The following TMPRSS15 variants were observed in gnomAD, a reference collection of about 807,000 sequenced individuals.
TMPRSS15 encodes transmembrane serine protease 15.
TMPRSS15 carries 128 observed loss-of-function variants against 125.3 expected under a neutral mutation model. The observed-to-expected ratio is 1.02, with a 90% confidence interval of 0.89 to 1.18. The LOEUF is 1.18. TMPRSS15 is among the 50% of genes most tolerant of loss of function. The pLI is 0.00. For missense variants in TMPRSS15, 1,283 were observed against 1,212.7 expected, an observed-to-expected ratio of 1.06 and a Z score of -0.86; for synonymous variants, 446 against 423.2, an observed-to-expected ratio of 1.05 and a Z score of -0.66.
intron 10 of TMPRSS15, among the ~76,000 whole-genome samples, chr21:18,344,594 A>G (rs2154691): frequency 0.085 from 12,935 of 152,270 alleles, 766 homozygotes; most frequent in South Asian, 0.2. Flanking sequence ...CCTATGAACG[A>G]TAAGTAATCA....
intron 18 of TMPRSS15, among the ~76,000 whole-genome samples, chr21:18,302,691 C>G (rs2146915687): frequency 6.6e-6 from 1 of 152,270 alleles, no homozygotes; most frequent in South Asian, 2.1e-4. Context: ...ATGGGTTAGT[C>G]TGGTAGCTAT....
In TMPRSS15 at chr21:18,332,130, T is replaced by C. The variant is rs147743156; in HGVS notation, c.1608A>G (p.Thr536=). 1.8e-3 allele frequency: 2,910 copies of C among 1,614,102 alleles called. 2 individuals carry two copies. Among genetic ancestry groups the C allele is most frequent in the Non-Finnish European group, 2.3e-3 (2,673 of 1,179,952 alleles). The change falls in exon 14 of 25, where the codon ACA becomes ACG. Residue 536 remains threonine, a synonymous_variant. Transcript: ENST00000284885. ...TGTTTGGAAAGTTCGTAGAACTGAATGTTGTATTTGGCTCCCACAGCTCAA... is the reference window on the plus strand; with the variant it reads ...TGTTTGGAAAGTTCGTAGAACTGAACGTTGTATTTGGCTCCCACAGCTCAA... The part of the protein sequence containing the change: ...GPFELWEPNT[T]FSSTNFPNSY...
chr21:18,398,416 A>G, intron 1 of TMPRSS15, 87 bp from the exon 2 acceptor site: 1 of 1,407,052 alleles, frequency 7.1e-7, no homozygotes, highest in South Asian at 1.2e-5. Flanking sequence ...ATAGAAGTAA[A>G]GCTCTCGCCT....
intron 3 of TMPRSS15, among the ~76,000 whole-genome samples, chr21:18,392,394 A>G (rs894028482): frequency 1.3e-5 from 2 of 152,206 alleles, no homozygotes; most frequent in Non-Finnish European, 2.9e-5. Context: ...AAATGCTGCC[A>G]ATCTCTTTGT....
chr21:18,284,444 G>T lies in TMPRSS15; in HGVS notation c.2487-3223C>A, dbSNP rs59154982. Among the ~76,000 whole-genome samples the T allele has an allele frequency of 2.1e-3, 313 of 152,286 alleles. 10 individuals are homozygous for T. The East Asian group carries it at 0.054, about 26-fold the overall frequency. ...AAGTTGGAGTGGCACTCAACAATCT[G>T]TACTTTGTAATCACTGTTGGGATAC... On this transcript the variant is annotated intron_variant, in intron 21 of 24. Transcript: ENST00000284885.
At chr21:18,389,650 G>T (rs952533863) in intron 3 of TMPRSS15, among the ~76,000 whole-genome samples, 1 of 152,110 alleles carries the variant, frequency 6.6e-6, no homozygotes, top group African/African-American at 2.4e-5. Flanking sequence ...ATCAGGTTTT[G>T]TTCCAACAGG....
chr21:18,357,651 G>T (rs1334783973), intron 8 of TMPRSS15, among the ~76,000 whole-genome samples: 1 of 151,760 alleles, frequency 6.6e-6, no homozygotes, highest in African/African-American at 2.4e-5. Flanking sequence ...AGGGAAAGAT[G>T]AGCTTGTGAC....
rs781382139 is a variant in TMPRSS15 at position 18,278,964 on chromosome 21, C to T, written c.2764G>A (p.Gly922Ser). 6 of 882,644 alleles carry T rather than the reference C, an allele frequency of 6.8e-6. No homozygotes were observed. The highest frequency in any genetic ancestry group is 3.5e-5 in the East Asian group (1 of 28,344). The allele number at this position is 882,644 out of a possible 1,614,324, so 54.7% of individuals were successfully genotyped here. A position where few individuals can be genotyped will look rare whatever the true frequency, so the allele number is the denominator to read the frequency against. ...IAGWGTVVYQ[G>S]TTANILQEAD... ...TTTTTTTTTGAGTCTGATAATTTAC[C>T]TTGATATACAACCGTCCCCCAACCA... Residue 922 changes from glycine (G) to serine (S), a missense_variant and splice_region_variant, in exon 23 of 25, where the codon GGT (glycine) becomes AGT (serine). Coordinates refer to ENST00000284885, the MANE Select transcript of TMPRSS15 (RefSeq NM_002772.3).
intron 3 of TMPRSS15, 85 bp downstream of exon 3, chr21:18,397,794 C>T: frequency 1.4e-6 from 1 of 710,478 alleles, no homozygotes; most frequent in East Asian, 2.9e-5. Context: ...TTCCTCTTTT[C>T]CTATATATAG....
At chr21:18,477,288 C>T (rs1034753610) in intron 1 of TMPRSS15, 8 of 152,150 alleles carry the variant, frequency 5.3e-5, no homozygotes, top group African/African-American at 1.9e-4. Context: ...TTGTGACTCA[C>T]TTCCAGCGGC....
At chr21:18,461,194 T>C (rs1168056691) in intron 1 of TMPRSS15, among the ~76,000 whole-genome samples, 1 of 152,168 alleles carries the variant, frequency 6.6e-6, no homozygotes, top group Non-Finnish European at 1.5e-5. Context: ...TCCATCACGA[T>C]TGCCTAACAG....
chr21:18,471,956 G>A (rs982624278), intron 1 of TMPRSS15, among the ~76,000 whole-genome samples: 8 of 152,122 alleles, frequency 5.3e-5, no homozygotes, highest in African/African-American at 1.9e-4. Flanking sequence ...GTGTGGACAT[G>A]CCTTTTTGTG....
upstream of TMPRSS15, among the ~76,000 whole-genome samples, chr21:18,407,984 G>A (rs2076156847): frequency 6.6e-6 from 1 of 152,270 alleles, no homozygotes; most frequent in Admixed American, 6.5e-5. Context: ...GAATAATGAA[G>A]TAGAAAGAGA....
chr21:18,410,372 T>G (rs1442671589), intron 1 of TMPRSS15, among the ~76,000 whole-genome samples: 1 of 152,088 alleles, frequency 6.6e-6, no homozygotes, highest in East Asian at 1.9e-4. Context: ...GCATTAAGAA[T>G]TGACAAACTC....
In TMPRSS15 at chr21:18,270,089, G is replaced by T. The variant is rs1601241836; in HGVS notation, c.2940C>A (p.Asn980Lys). ...TCACACCAGCAAGGAACCACCTGTT[G>T]TTTTCTTGGCACATTAATGGTCCTC... is the stretch of plus-strand genomic sequence containing the variant. ...DSGGPLMCQENNRWFLAGVTS... is the reference protein window; with the variant it reads ...DSGGPLMCQEKNRWFLAGVTS... The change falls in exon 25 of 25, where the codon AAC becomes AAA. Residue 980 changes from asparagine to lysine, a missense_variant. Asn to Lys is a moderately conservative substitution (Grantham distance 94, BLOSUM62 0). Transcript: ENST00000284885. The T allele has an allele frequency of 4.3e-6, 7 of 1,613,918 alleles. No individual in the cohort carries two copies. Among genetic ancestry groups the T allele is most frequent in the Middle Eastern group, 1.6e-4 (1 of 6,062 alleles).
At chr21:18,374,821 G>A (rs1416511138) in intron 5 of TMPRSS15, among the ~76,000 whole-genome samples, 2 of 152,134 alleles carry the variant, frequency 1.3e-5, no homozygotes, top group African/African-American at 2.4e-5. Flanking sequence ...GAGGAGATGG[G>A]ACATGGACTC....
At chr21:18,425,830 C>T (rs966621842) in intron 1 of TMPRSS15, among the ~76,000 whole-genome samples, 8 of 152,080 alleles carry the variant, frequency 5.3e-5, no homozygotes, top group Non-Finnish European at 1.2e-4. Context: ...CATCAGTATT[C>T]TGGGCTTCAA....
chr21:18,296,477 C>T (rs1280805614), intron 19 of TMPRSS15, among the ~76,000 whole-genome samples: 1 of 152,120 alleles, frequency 6.6e-6, no homozygotes, highest in Non-Finnish European at 1.5e-5. Context: ...TAAAATATGT[C>T]TATAAATGAT....
At chr21:18,396,792 A>AATCTATCTGTCTGTCTG (rs1408156983) in intron 3 of TMPRSS15, among the ~76,000 whole-genome samples, 2 of 112,792 alleles carry the variant, frequency 1.8e-5, no homozygotes, top group Non-Finnish European at 1.8e-5. Context: ...AAAAAAAAAA[A>AATCTATCTGTCTGTCTG]TCTGTCTGTC....
Sources: allele counts gnomAD v4.1 joint callset (sites outside exome capture counted in the v4.1 genomes callset), GRCh38; gene constraint gnomAD v4.1.1; transcripts MANE v1.5; gene names NCBI Gene and HGNC (gene_info 2026-07-23, HGNC 2026-07-21).